Variants in FNDC3B observed in about 807,000 individuals in gnomAD.
The protein encoded by FNDC3B is fibronectin type III domain-containing protein 3B.
Under a neutral mutation model 151.5 loss-of-function variants are expected in FNDC3B, and 12 were observed. That is an observed-to-expected ratio of 0.08 (90% CI 0.05 to 0.13). The LOEUF is 0.13. Ranked by LOEUF, FNDC3B falls within the 10% of genes least tolerant of loss-of-function variation. FNDC3B has a pLI of 1.00. For missense variants in FNDC3B, 1,214 were observed against 1,505.3 expected (o/e 0.81, Z 3.20); for synonymous variants, 528 against 549.0 (o/e 0.96, Z 0.54).
rs1724778113 is a variant in FNDC3B at position 172,195,554 on chromosome 3, G to GT, written c.188-31316dup. Reference sequence around the variant, plus strand: ...GAGAAGTTGTGCTGCTGTTAATTTTGTGTAACTTAGCTCTCTTCCACATTG... The same window carrying GT: ...GAGAAGTTGTGCTGCTGTTAATTTTGTTGTAACTTAGCTCTCTTCCACATTG... On this transcript the variant is annotated intron_variant, in intron 3 of 25. Coordinates refer to ENST00000415807, the MANE Select transcript of FNDC3B (RefSeq NM_022763.4). Among the ~76,000 whole-genome samples, 3 of 152,300 alleles carry GT rather than the reference G, an allele frequency of 2.0e-5. No homozygotes were observed. The South Asian group carries it at 6.2e-4, about 32-fold the overall frequency.
At position 172,351,343 on chromosome 3, in the gene FNDC3B, A is replaced by G. The variant is rs1203177701; in HGVS notation, c.2515-1460A>G. ...TGGACAGGAGGAGCAGCCAAGTGCA[A>G]AGGCCATGAGGAGGCAGCAAACTTG... On this transcript the variant is annotated intron_variant, in intron 21 of 25. Transcript: ENST00000415807. 2.0e-5 allele frequency among the ~76,000 whole-genome samples: 3 copies of G among 152,192 alleles called. No homozygotes were observed. In the East Asian group the frequency reaches 5.8e-4, roughly 29 times the overall value.
At chr3:172,239,775 CAAA>C (rs200097298) in intron 4 of FNDC3B, among the ~76,000 whole-genome samples, 6 of 70,178 alleles carry the variant, frequency 8.5e-5, no homozygotes, top group Admixed American at 1.8e-4. Flanking sequence ...TTAGCTAAGA[CAAA>C]AAAAAAAAAA....
At chr3:172,393,217 A>G (rs909263883) in intron 25 of FNDC3B, among the ~76,000 whole-genome samples, 6 of 152,182 alleles carry the variant, frequency 3.9e-5, no homozygotes, top group African/African-American at 7.2e-5. Flanking sequence ...GCAAATAGAA[A>G]CCAAAAGAAA....
intron 11 of FNDC3B, among the ~76,000 whole-genome samples, chr3:172,311,303 C>T (rs1576898609): frequency 6.6e-6 from 1 of 152,206 alleles, no homozygotes; most frequent in African/African-American, 2.4e-5. Context: ...TGGTGTTACA[C>T]TGTTGAGTGG....
intron 11 of FNDC3B, among the ~76,000 whole-genome samples, chr3:172,318,857 C>G (rs552186616): frequency 6.6e-6 from 1 of 152,188 alleles, no homozygotes; most frequent in African/African-American, 2.4e-5. Context: ...CCATGTCTTA[C>G]GGTTGTTTCA....
intron 3 of FNDC3B, among the ~76,000 whole-genome samples, chr3:172,218,114 C>T (rs898077408): frequency 2.8e-5 from 3 of 107,986 alleles, no homozygotes; most frequent in Admixed American, 1.4e-4. Flanking sequence ...GCCAGAGAAA[C>T]GGAGAAGATC....
intron 3 of FNDC3B, among the ~76,000 whole-genome samples, chr3:172,212,250 ACT>A (rs927714884): frequency 2.1e-4 from 32 of 152,272 alleles, no homozygotes; most frequent in African/African-American, 6.5e-4. Context: ...TCTGTTAATG[ACT>A]CTTTTTCCCT....
chr3:172,184,184 C>T (rs1724058169), intron 3 of FNDC3B: 1 of 152,178 alleles, frequency 6.6e-6, no homozygotes, highest in South Asian at 2.1e-4. Context: ...CCCCTCAAAG[C>T]CCTTTTAATC....
intron 2 of FNDC3B, among the ~76,000 whole-genome samples, chr3:172,120,825 G>A (rs986433782): frequency 6.6e-6 from 1 of 152,048 alleles, no homozygotes; most frequent in Admixed American, 6.6e-5. Context: ...ATTGCCGGGC[G>A]TGATGCTGCA....
intron 4 of FNDC3B, among the ~76,000 whole-genome samples, chr3:172,238,974 A>G (rs1315227148): frequency 2.6e-5 from 4 of 152,364 alleles, no homozygotes; most frequent in African/African-American, 9.6e-5. Flanking sequence ...GCTATTTACC[A>G]GAGTTATGGA....
intron 3 of FNDC3B, among the ~76,000 whole-genome samples, chr3:172,194,106 G>A (rs889510984): frequency 6.6e-6 from 1 of 152,104 alleles, no homozygotes; most frequent in Non-Finnish European, 1.5e-5. Flanking sequence ...TGTAGTCCCA[G>A]CTACTTGGGA....
At chr3:172,273,472 C>G (rs79020693) in intron 6 of FNDC3B, among the ~76,000 whole-genome samples, 3,344 of 152,298 alleles carry the variant, frequency 0.022, 60 homozygotes, top group Middle Eastern at 0.068. Flanking sequence ...TCTGTTCATT[C>G]TATCTGATCA....
chr3:172,154,187 G>A (rs191275492), intron 3 of FNDC3B, among the ~76,000 whole-genome samples: 41 of 152,232 alleles, frequency 2.7e-4, no homozygotes, highest in Admixed American at 1.1e-3. Context: ...AGTGAGATGG[G>A]ACTTTAATTG....
intron 6 of FNDC3B, among the ~76,000 whole-genome samples, chr3:172,272,334 A>G (rs1232635726): frequency 6.6e-6 from 1 of 152,170 alleles, no homozygotes; most frequent in East Asian, 1.9e-4. Context: ...GGGTTAGGCT[A>G]TAAGGACCTC....
intron 5 of FNDC3B, among the ~76,000 whole-genome samples, chr3:172,250,670 T>G (rs911963069): frequency 2.0e-5 from 3 of 152,176 alleles, no homozygotes; most frequent in African/African-American, 7.2e-5. Context: ...TATGAGCTCT[T>G]TAGGGATAAC....
intron 16 of FNDC3B, 142 bp from the exon 17 acceptor site, chr3:172,340,971 A>G: frequency 1.5e-6 from 1 of 648,986 alleles, no homozygotes; most frequent in Non-Finnish European, 2.8e-6. Context: ...TGTAAAAGAA[A>G]AAGGAAGAGC....
chr3:172,349,870 G>T (rs1262104927), intron 21 of FNDC3B, among the ~76,000 whole-genome samples: 2 of 152,074 alleles, frequency 1.3e-5, no homozygotes, highest in Non-Finnish European at 2.9e-5. Context: ...TGGCCAGGCT[G>T]GTCTCGAACT....
At chr3:172,290,287 G>C (rs1197417517) in intron 7 of FNDC3B, among the ~76,000 whole-genome samples, 1 of 152,190 alleles carries the variant, frequency 6.6e-6, no homozygotes, top group Admixed American at 6.5e-5. Flanking sequence ...CAGAGACCCA[G>C]CTACTGCAAA....
intron 9 of FNDC3B, among the ~76,000 whole-genome samples, chr3:172,305,652 G>T (rs998596809): frequency 6.6e-6 from 1 of 152,076 alleles, no homozygotes; most frequent in Non-Finnish European, 1.5e-5. Context: ...TTAATTCATA[G>T]GTGGCTCTAA....
Sources: allele counts gnomAD v4.1 joint callset (sites outside exome capture counted in the v4.1 genomes callset), GRCh38; gene constraint gnomAD v4.1.1; transcripts MANE v1.5; gene names NCBI Gene and HGNC (gene_info 2026-07-23, HGNC 2026-07-21).